The following MPDU1 variants were observed in gnomAD, a reference collection of about 807,000 sequenced individuals.
MPDU1 encodes mannose-P-dolichol utilization defect 1, also known as mannose-P-dolichol utilization defect 1 protein.
MPDU1 carries 18 observed loss-of-function variants against 27.6 expected under a neutral mutation model. The ratio of observed to expected loss-of-function variants is 0.65; its 90% confidence interval spans 0.45 to 0.97. MPDU1 has a LOEUF of 0.97. Among genes scored for constraint, MPDU1 ranks in the 50% least tolerant of loss-of-function variants. MPDU1 has a pLI of 0.00. For synonymous variants in MPDU1, 142 were observed against 131.1 expected (o/e 1.08, Z -0.57); for missense variants, 279 against 297.4 (o/e 0.94, Z 0.46).
rs1440678377 is a variant in MPDU1, at chr17:7,586,693, T to C, written c.304T>C (p.Ser102Pro). The C allele has an allele frequency of 6.2e-7, 1 of 1,613,930 alleles. No individual in the cohort carries two copies. Among genetic ancestry groups the C allele is most frequent in the African/African-American group, 1.3e-5 (1 of 74,886 alleles). The change falls in exon 4 of 7, where the codon TCT becomes CCT. Residue 102 changes from serine (S) to proline (P), a missense_variant and splice_region_variant. Transcript: ENST00000250124. ...TCCTCCCAACTCTTGACTCTGCAGC[T>C]CTTGGGGTGAAGCCTTATTCCTGAT... ...YSITNNFPFS[S>P]WGEALFLMLQ...
rs1567744448 is a variant in MPDU1, at chr17:7,587,850, T to C, written c.*299T>C. The C allele has an allele frequency of 3.7e-6, 2 of 539,410 alleles. No homozygotes were observed. The highest frequency in any genetic ancestry group is 3.1e-5 in the South Asian group (2 of 65,308). The allele number at this position is 539,410 out of a possible 1,614,324, so 33.4% of individuals were successfully genotyped here. The stretch of plus-strand genomic sequence containing the variant: ...CAAGCCTCCTCCTCTAGCAGCAATT[T>C]CCAGCTGTGTAACACTATCCTGGGC... On this transcript the variant is annotated 3_prime_UTR_variant, in exon 7 of 7. Transcript: ENST00000250124.
intron 1 of MPDU1, among the ~76,000 whole-genome samples, chr17:7,585,094 G>A (rs964561479): frequency 2.0e-5 from 3 of 152,180 alleles, no homozygotes; most frequent in Non-Finnish European, 4.4e-5. Flanking sequence ...GGAAATAAAG[G>A]ATCAGAGAGC....
In MPDU1 at chr17:7,586,674, C is replaced by A. The variant is rs1171215519; in HGVS notation, c.303-18C>A. The A allele has an allele frequency of 1.9e-6, 3 of 1,612,728 alleles. No homozygotes were observed. The East Asian group carries it at 6.7e-5, about 36-fold the overall frequency. ...TTTCTAGGCCCGCCTTTCTTCCTCC[C>A]AACTCTTGACTCTGCAGCTCTTGGG... On this transcript the variant is annotated intron_variant, in intron 3 of 6. Transcript: ENST00000250124.
chr17:7,585,148 C>T (rs1567742182), intron 1 of MPDU1, among the ~76,000 whole-genome samples: 2 of 152,006 alleles, frequency 1.3e-5, no homozygotes, highest in Admixed American at 6.5e-5. Flanking sequence ...AATGGAGAGC[C>T]GTGGAGGTCA....
At position 7,585,995 on chromosome 17, in the gene MPDU1, G is replaced by A; in HGVS notation, c.219G>A (p.Gly73=). The A allele has an allele frequency of 6.2e-7, 1 of 1,614,142 alleles. No homozygotes were observed. The highest frequency in any genetic ancestry group is 8.5e-7 in the Non-Finnish European group (1 of 1,180,028). ...FKILGAKSAE[G]LSLQSVMLEL... ...TCCTGGGAGCCAAGAGTGCTGAAGG[G>A]TTGAGTCTCCAGTCTGTAATGCTGG... Residue 73 remains glycine, a synonymous_variant, in exon 3 of 7, where the codon GGG becomes GGA. Transcript: ENST00000250124.
Position 7,583,901 on chromosome 17 carries a change from C to G in MPDU1, c.39C>G (p.Leu13=). The G allele has an allele frequency of 6.2e-7, 1 of 1,614,178 alleles. No individual in the cohort carries two copies. Among genetic ancestry groups the G allele is most frequent in the Middle Eastern group, 1.6e-4 (1 of 6,062 alleles). Residue 13 remains leucine, a synonymous_variant, in exon 1 of 7, where the codon CTC becomes CTG. Transcript: ENST00000250124. ...AEADGPLKRL[L]VPILLPEKCY... ...CGGACGGACCGCTTAAACGGCTGCT[C>G]GTGCCGATTCTTTTACCTGAGAAAT...
upstream of MPDU1, chr17:7,583,706 G>A (rs756160009): frequency 3.5e-5 from 29 of 823,576 alleles, no homozygotes; most frequent in Non-Finnish European, 5.7e-5. Flanking sequence ...CTTATTTTAC[G>A]CCACTAGAGT....
At chr17:7,587,069 A>AT in intron 5 of MPDU1, 52 bp downstream of exon 5, 1 of 1,524,096 alleles carries the variant, frequency 6.6e-7, no homozygotes, top group Non-Finnish European at 9.1e-7. Flanking sequence ...GTGGGGGGGA[A>AT]GAGTAGAAGA....
chr17:7,585,919 G>C (rs765973213), intron 2 of MPDU1, 27 bp from the exon 3 acceptor site: 1 of 1,614,156 alleles, frequency 6.2e-7, no homozygotes, highest in Non-Finnish European at 8.5e-7. Context: ...AGAGTCCTCA[G>C]TCCTACTTTT....
At chr17:7,587,090 G>T in intron 5 of MPDU1, 71 bp from the exon 6 acceptor site, 1 of 1,578,538 alleles carries the variant, frequency 6.3e-7, no homozygotes, top group Non-Finnish European at 8.7e-7. Flanking sequence ...TCAAAGTGTG[G>T]GGGTGTTGTA....
chr17:7,583,789 G>A (rs1415053356), upstream of MPDU1: 10 of 1,479,150 alleles, frequency 6.8e-6, no homozygotes, highest in Admixed American at 1.7e-5. Flanking sequence ...ACGGGAGGCG[G>A]AGTGTCCGCA....
intron 5 of MPDU1, 50 bp downstream of exon 5, chr17:7,587,067 G>GGGGGGGGGGGGGA: frequency 7.7e-6 from 8 of 1,041,318 alleles, no homozygotes; most frequent in Non-Finnish European, 1.0e-5. Flanking sequence ...GGGTGGGGGG[G>GGGGGGGGGGGGGA]AAGAGTAGAA....
At chr17:7,583,687 T>G, upstream of MPDU1, 1 of 786,624 alleles carries the variant, frequency 1.3e-6, no homozygotes, top group South Asian at 1.4e-5. Context: ...ACGTGGTCCC[T>G]GACTGAGACT....
rs1164197195 is a variant in MPDU1 at position 7,587,180 on chromosome 17, A to G, written c.527A>G (p.Asn176Ser). 6.2e-7 allele frequency: 1 copy of G among 1,614,078 alleles called. No individual in the cohort carries two copies. The highest frequency in any genetic ancestry group is 1.1e-5 in the South Asian group (1 of 91,080). ...VVGRLLQAATNYHNGHTGQLS... is the reference protein window; with the variant it reads ...VVGRLLQAATSYHNGHTGQLS... ...CCCTAGCTTCTCCAGGCAGCCACCA[A>G]CTACCACAACGGGCACACAGGCCAG... The change falls in exon 6 of 7, where the codon AAC becomes AGC. Residue 176 changes from asparagine (N) to serine (S), a missense_variant. Asn to Ser is a conservative substitution (Grantham distance 46). Coordinates refer to ENST00000250124, the MANE Select transcript of MPDU1 (RefSeq NM_004870.4).
chr17:7,586,157 G>T, intron 3 of MPDU1, 79 bp downstream of exon 3: 1 of 1,573,536 alleles, frequency 6.4e-7, no homozygotes, highest in Non-Finnish European at 8.7e-7. Context: ...TTACAAGGCA[G>T]CAAAGTGGCC....
At position 7,583,898 on chromosome 17, in the gene MPDU1, G is replaced by A. The variant is rs2071536297; in HGVS notation, c.36G>A (p.Leu12=). 18 of 1,614,216 alleles carry A rather than the reference G, an allele frequency of 1.1e-5. No individual in the cohort carries two copies. Among genetic ancestry groups the A allele is most frequent in the Non-Finnish European group, 1.4e-5 (17 of 1,180,054 alleles). The change falls in exon 1 of 7, where the codon CTG becomes CTA. Residue 12 remains leucine, a synonymous_variant. Coordinates refer to ENST00000250124, the MANE Select transcript of MPDU1 (RefSeq NM_004870.4). The part of the protein sequence containing the change: ...AAEADGPLKR[L]LVPILLPEKC... ...AGGCGGACGGACCGCTTAAACGGCT[G>A]CTCGTGCCGATTCTTTTACCTGAGA...
chr17:7,583,944 G>T lies in MPDU1; in HGVS notation c.82G>T (p.Val28Phe). Residue 28 changes from valine to phenylalanine, a missense_variant, in exon 1 of 7, where the codon GTT (valine) becomes TTT (phenylalanine). Coordinates refer to ENST00000250124, the MANE Select transcript of MPDU1 (RefSeq NM_004870.4). ...LPEKCYDQLF[V>F]QWDLLHVPCL... ...TGAGAAATGCTACGACCAACTTTTC[G>T]TTCAGTGGGACTTGCTTCACGGTGA... is the stretch of plus-strand genomic sequence containing the variant. The T allele has an allele frequency of 1.9e-6, 3 of 1,614,124 alleles. No individual in the cohort carries two copies. The highest frequency in any genetic ancestry group is 1.3e-5 in the African/African-American group (1 of 75,054).
rs970661086 is a variant in MPDU1, at chr17:7,585,634, G to A, written c.104-98G>A. ...CCCCCCAAGACAATGCAAGACCCTG[G>A]TGTGGGTAAGGGGGCTCGGGGAGAG... On this transcript the variant is annotated intron_variant, in intron 1 of 6. Coordinates refer to ENST00000250124, the MANE Select transcript of MPDU1 (RefSeq NM_004870.4). 213 of 1,150,238 alleles carry A rather than the reference G, an allele frequency of 1.9e-4. 3 individuals are homozygous for A. The South Asian group carries it at 2.5e-3, about 14-fold the overall frequency. 71.3% of individuals were successfully genotyped at this position (1,150,238 alleles called of 1,614,324 possible).
chr17:7,583,799 A>T, upstream of MPDU1: 1 of 1,547,158 alleles, frequency 6.5e-7, no homozygotes, highest in Non-Finnish European at 8.9e-7. Flanking sequence ...GAGTGTCCGC[A>T]GCGCGCACGC....
Sources: gnomAD v4.1 joint callset for allele counts (sites outside exome capture counted in the v4.1 genomes callset) on GRCh38, gnomAD v4.1.1 for gene constraint, MANE v1.5 for transcripts, NCBI Gene and HGNC (gene_info 2026-07-23, HGNC 2026-07-21) for gene names.